Variants in NALF1 observed in about 807,000 individuals in gnomAD.
NALF1 encodes NALCN channel auxiliary factor 1.
NALF1 carries 3 observed loss-of-function variants against 48.4 expected under a neutral mutation model. That is an observed-to-expected ratio of 0.06 (90% CI 0.03 to 0.16). The LOEUF (loss-of-function observed/expected upper bound fraction) is 0.16. Among genes scored for constraint, NALF1 ranks in the 10% least tolerant of loss-of-function variants. The probability of loss-of-function intolerance (pLI) is 1.00; values close to 1 mark genes in which losing one functional copy is unlikely to be tolerated. For synonymous variants in NALF1, 262 were observed against 245.7 expected (o/e 1.07, Z -0.62); for missense variants, 526 against 571.5 (o/e 0.92, Z 0.81).
At chr13:107,327,404 A>G (rs867875952) in intron 1 of NALF1, among the ~76,000 whole-genome samples, 1 of 152,208 alleles carries the variant, frequency 6.6e-6, no homozygotes, top group Non-Finnish European at 1.5e-5. Context: ...AGATCATTTT[A>G]TAAAACCAAT....
At chr13:107,837,509 T>C (rs559169492) in intron 1 of NALF1, among the ~76,000 whole-genome samples, 4 of 152,324 alleles carry the variant, frequency 2.6e-5, no homozygotes, top group African/African-American at 7.2e-5. Context: ...CTTACGCATC[T>C]ACCTGTTACA....
intron 1 of NALF1, among the ~76,000 whole-genome samples, chr13:107,398,344 A>T (rs77990117): frequency 0.013 from 2,005 of 151,522 alleles, 24 homozygotes; most frequent in South Asian, 0.032. Flanking sequence ...ATGGAATTTT[A>T]GATGCTGGCA....
chr13:107,262,977 G>A (rs1340360938), intron 1 of NALF1, among the ~76,000 whole-genome samples: 2 of 152,194 alleles, frequency 1.3e-5, no homozygotes, highest in East Asian at 3.9e-4. Flanking sequence ...AATGATTCAG[G>A]GCTGTACCTT....
chr13:107,542,377 T>G (rs960912805), intron 1 of NALF1, among the ~76,000 whole-genome samples: 7 of 151,836 alleles, frequency 4.6e-5, no homozygotes, highest in African/African-American at 1.7e-4. Flanking sequence ...GGAAACTGAG[T>G]TTCTCTTTGT....
intron 1 of NALF1, among the ~76,000 whole-genome samples, chr13:107,541,210 C>CAA: frequency 6.6e-6 from 1 of 152,034 alleles, no homozygotes; most frequent in African/African-American, 2.4e-5. Flanking sequence ...TTTGAAAACA[C>CAA]ATTTTTGTTA....
At chr13:107,514,930 A>T (rs1400801979) in intron 1 of NALF1, among the ~76,000 whole-genome samples, 2 of 152,234 alleles carry the variant, frequency 1.3e-5, no homozygotes, top group East Asian at 3.9e-4. Flanking sequence ...TTGTTTATTT[A>T]ACAAGTATTT....
chr13:107,198,466 C>G (rs1394683192), intron 2 of NALF1, among the ~76,000 whole-genome samples: 2 of 152,244 alleles, frequency 1.3e-5, no homozygotes, highest in Admixed American at 6.5e-5. Flanking sequence ...ATCCTGCTGG[C>G]TGAGCTCCCT....
At chr13:107,829,972 G>T (rs774035431) in intron 1 of NALF1, among the ~76,000 whole-genome samples, 79 of 152,292 alleles carry the variant, frequency 5.2e-4, no homozygotes, top group Non-Finnish European at 7.1e-4. Context: ...GTAACAACAA[G>T]AAAGTCTGGC....
At chr13:107,664,236 T>A (rs1443324041) in intron 1 of NALF1, among the ~76,000 whole-genome samples, 8 of 152,172 alleles carry the variant, frequency 5.3e-5, no homozygotes, top group Admixed American at 6.6e-5. Flanking sequence ...TTCTTTCACA[T>A]ATACAAAATC....
chr13:107,603,112 C>T (rs1023623054), intron 1 of NALF1, among the ~76,000 whole-genome samples: 4 of 152,036 alleles, frequency 2.6e-5, no homozygotes, highest in Admixed American at 1.3e-4. Flanking sequence ...TAAAGCAATG[C>T]TAAAATTAAC....
At chr13:107,625,035 A>G (rs1879630046) in intron 1 of NALF1, among the ~76,000 whole-genome samples, 1 of 152,180 alleles carries the variant, frequency 6.6e-6, no homozygotes, top group Admixed American at 6.5e-5. Flanking sequence ...CTCTATGAAT[A>G]TGATTCCAAC....
At position 107,170,119 on chromosome 13, in the gene NALF1, T is replaced by C. The variant is rs1878766655; in HGVS notation, c.*378A>G. The C allele has an allele frequency of 1.1e-5, 2 of 179,254 alleles. No homozygotes were observed. The highest frequency in any genetic ancestry group is 4.7e-5 in the African/African-American group (2 of 42,238). The allele number at this position is 179,254 out of a possible 1,614,324, so 11.1% of individuals were successfully genotyped here. On this transcript the variant is annotated 3_prime_UTR_variant, in exon 3 of 3. Transcript: ENST00000375915. ...TGAACACACACAATGACTAGAAATATATAGAGAGATAGAGACAGTGAAAAG... is the reference window on the plus strand; with the variant it reads ...TGAACACACACAATGACTAGAAATACATAGAGAGATAGAGACAGTGAAAAG...
intron 1 of NALF1, among the ~76,000 whole-genome samples, chr13:107,443,526 T>C (rs1347936706): frequency 2.6e-5 from 4 of 152,172 alleles, no homozygotes; most frequent in African/African-American, 4.8e-5. Flanking sequence ...CTACAATATA[T>C]ATTTAAATGT....
intron 1 of NALF1, among the ~76,000 whole-genome samples, chr13:107,311,804 A>G (rs1456058038): frequency 6.6e-6 from 1 of 152,224 alleles, no homozygotes; most frequent in East Asian, 1.9e-4. Flanking sequence ...TTCTGCAGCT[A>G]AAAGACACTT....
intron 1 of NALF1, among the ~76,000 whole-genome samples, chr13:107,583,842 G>A (rs1594142449): frequency 6.6e-6 from 1 of 152,040 alleles, no homozygotes; most frequent in East Asian, 1.9e-4. Context: ...TCTTTCCCCT[G>A]CTACAGAATG....
chr13:107,441,147 T>C (rs536523708), intron 1 of NALF1, among the ~76,000 whole-genome samples: 24 of 152,302 alleles, frequency 1.6e-4, no homozygotes, highest in African/African-American at 5.8e-4. Context: ...ACTGACTCTA[T>C]CTCTTGCCCC....
intron 1 of NALF1, among the ~76,000 whole-genome samples, chr13:107,718,754 C>T (rs2138525606): frequency 6.6e-6 from 1 of 152,300 alleles, no homozygotes; most frequent in African/African-American, 2.4e-5. Flanking sequence ...AGGCCCTGCG[C>T]TTTCTAATAT....
chr13:107,567,856 T>C (rs1877860558), intron 1 of NALF1, among the ~76,000 whole-genome samples: 1 of 152,236 alleles, frequency 6.6e-6, no homozygotes, highest in Admixed American at 6.5e-5. Flanking sequence ...TCAGAAACGT[T>C]ACATAAATGA....
chr13:107,540,899 T>C (rs1403318812), intron 1 of NALF1, among the ~76,000 whole-genome samples: 1 of 152,118 alleles, frequency 6.6e-6, no homozygotes, highest in Admixed American at 6.6e-5. Flanking sequence ...TAAGAATCCA[T>C]GAAACACTAT....
Sources: gnomAD v4.1 joint callset for allele counts (sites outside exome capture counted in the v4.1 genomes callset) on GRCh38, gnomAD v4.1.1 for gene constraint, MANE v1.5 for transcripts, NCBI Gene and HGNC (gene_info 2026-07-23, HGNC 2026-07-21) for gene names.